Variants in ZBTB20 observed in about 807,000 individuals in gnomAD.
ZBTB20 encodes zinc finger and BTB domain containing 20, also known as zinc finger and BTB domain-containing protein 20.
ZBTB20 carries 9 observed loss-of-function variants against 56.9 expected under a neutral mutation model. The observed-to-expected ratio is 0.16, with a 90% CI of 0.10 to 0.28. The LOEUF is 0.28. ZBTB20 is among the 10% of genes least tolerant of loss of function. The pLI is 1.00. For synonymous variants in ZBTB20, 417 were observed against 420.7 expected (o/e 0.99, Z 0.11); for missense variants, 655 against 1,003.0 (o/e 0.65, Z 4.69).
intron 4 of ZBTB20, among the ~76,000 whole-genome samples, chr3:114,880,876 T>C (rs1256502867): frequency 6.6e-6 from 1 of 152,124 alleles, no homozygotes; most frequent in Non-Finnish European, 1.5e-5. Flanking sequence ...CACCAAAATA[T>C]TAAGAATAAC....
intron 6 of ZBTB20, among the ~76,000 whole-genome samples, chr3:114,638,794 C>G (rs2059408860): frequency 1.3e-5 from 2 of 151,868 alleles, no homozygotes; most frequent in African/African-American, 4.8e-5. Flanking sequence ...ACAATAAAAG[C>G]AAATTTTTAA....
chr3:114,963,404 C>A (rs1005815893), intron 3 of ZBTB20, among the ~76,000 whole-genome samples: 4 of 152,086 alleles, frequency 2.6e-5, no homozygotes, highest in African/African-American at 9.7e-5. Context: ...GTGCTTAAAT[C>A]TATAAAGCTG....
intron 3 of ZBTB20, among the ~76,000 whole-genome samples, chr3:114,902,777 A>C (rs979100173): frequency 4.6e-5 from 7 of 152,188 alleles, no homozygotes; most frequent in Admixed American, 4.6e-4. Flanking sequence ...AACAGGCTGC[A>C]GTTATTTATT....
At chr3:114,801,586 G>T (rs2071726613) in intron 4 of ZBTB20, among the ~76,000 whole-genome samples, 1 of 151,456 alleles carries the variant, frequency 6.6e-6, no homozygotes, top group Non-Finnish European at 1.5e-5. Context: ...AAAATCTATG[G>T]GTCTGAATAC....
chr3:114,385,535 G>C (rs1559718205), intron 8 of ZBTB20, among the ~76,000 whole-genome samples: 1 of 152,208 alleles, frequency 6.6e-6, no homozygotes, highest in Non-Finnish European at 1.5e-5. Flanking sequence ...CCTCTCATAG[G>C]GATTGTTAGT....
intron 5 of ZBTB20, among the ~76,000 whole-genome samples, chr3:114,793,054 T>G (rs1298856379): frequency 1.3e-5 from 2 of 151,768 alleles, no homozygotes; most frequent in Non-Finnish European, 2.9e-5. Context: ...TTTTTTTATA[T>G]TTTTTAGTAG....
chr3:114,918,853 C>T (rs2075845082), intron 3 of ZBTB20, among the ~76,000 whole-genome samples: 1 of 152,198 alleles, frequency 6.6e-6, no homozygotes, highest in African/African-American at 2.4e-5. Flanking sequence ...CAGAAGCCCT[C>T]CCTTGGCCAC....
rs1386595421 is a variant in ZBTB20, at chr3:115,098,410, G to A, written c.-702-26996C>T. On this transcript the variant is annotated intron_variant, in intron 1 of 11. Coordinates refer to ENST00000675478, the MANE Select transcript of ZBTB20 (RefSeq NM_001348800.3). ...TTTTGAAACAAATTTTTGGGTCACC[G>A]TCAGAAATGGCATAAAGTATATATA... Among the ~76,000 whole-genome samples the A allele has an allele frequency of 4.6e-5, 7 of 152,024 alleles. No homozygotes were observed. The East Asian group carries it at 5.8e-4, about 13-fold the overall frequency.
At chr3:114,548,242 C>T (rs1019221944) in intron 6 of ZBTB20, among the ~76,000 whole-genome samples, 9 of 152,196 alleles carry the variant, frequency 5.9e-5, no homozygotes, top group African/African-American at 2.2e-4. Flanking sequence ...GAAAGGAAAA[C>T]TCACACTTTT....
chr3:115,046,648 G>GAAAT (rs1479861591), intron 2 of ZBTB20, among the ~76,000 whole-genome samples: 12 of 152,228 alleles, frequency 7.9e-5, no homozygotes, highest in African/African-American at 2.6e-4. Flanking sequence ...GTATTATGAA[G>GAAAT]AAATAGTTTT....
At chr3:114,372,800 C>T (rs1003942365) in intron 10 of ZBTB20, among the ~76,000 whole-genome samples, 22 of 152,086 alleles carry the variant, frequency 1.4e-4, no homozygotes, top group African/African-American at 4.6e-4. Context: ...GCTGAGATTG[C>T]ACTGCTGTAC....
At chr3:114,919,198 T>TG (rs1430104760) in intron 3 of ZBTB20, among the ~76,000 whole-genome samples, 2 of 152,028 alleles carry the variant, frequency 1.3e-5, no homozygotes, top group African/African-American at 4.8e-5. Flanking sequence ...AGTGGGGGCC[T>TG]GGGGGAAAAG....
chr3:114,770,521 A>G (rs75993115), intron 5 of ZBTB20, among the ~76,000 whole-genome samples: 3 of 152,068 alleles, frequency 2.0e-5, no homozygotes, highest in Non-Finnish European at 2.9e-5. Flanking sequence ...GAAAAAAAAA[A>G]GAATCCACTT....
chr3:114,656,193 C>A (rs2060398212), intron 6 of ZBTB20, among the ~76,000 whole-genome samples: 1 of 152,126 alleles, frequency 6.6e-6, no homozygotes, highest in Admixed American at 6.5e-5. Flanking sequence ...TTGTTTCCAC[C>A]CTTAGGGCTG....
At chr3:114,693,968 T>C (rs1366457876) in intron 5 of ZBTB20, among the ~76,000 whole-genome samples, 2 of 152,118 alleles carry the variant, frequency 1.3e-5, no homozygotes, top group Non-Finnish European at 2.9e-5. Context: ...TACTGTAGTT[T>C]TGATCAAACA....
intron 7 of ZBTB20, among the ~76,000 whole-genome samples, chr3:114,479,101 G>C (rs377572631): frequency 1.2e-4 from 17 of 147,448 alleles, no homozygotes; most frequent in Middle Eastern, 3.5e-3. Context: ...TTTTCAGGAT[G>C]GGGGGAAGAA....
intron 1 of ZBTB20, among the ~76,000 whole-genome samples, chr3:115,124,961 T>C (rs2084284053): frequency 6.6e-6 from 1 of 151,840 alleles, no homozygotes; most frequent in Non-Finnish European, 1.5e-5. Context: ...AGTTTACCTA[T>C]AAACAAACCC....
chr3:114,769,507 C>A (rs1480151442), intron 5 of ZBTB20, among the ~76,000 whole-genome samples: 2 of 144,078 alleles, frequency 1.4e-5, no homozygotes, highest in Non-Finnish European at 3.0e-5. Context: ...TCTATTTGCA[C>A]CTGTTAAATA....
At chr3:115,058,522 A>G (rs2081897253) in intron 2 of ZBTB20, among the ~76,000 whole-genome samples, 1 of 152,140 alleles carries the variant, frequency 6.6e-6, no homozygotes, top group Non-Finnish European at 1.5e-5. Context: ...TGAGGTCAGG[A>G]GTTTGAGACC....
Sources: gnomAD v4.1 joint callset for allele counts (sites outside exome capture counted in the v4.1 genomes callset) on GRCh38, gnomAD v4.1.1 for gene constraint, MANE v1.5 for transcripts, NCBI Gene and HGNC (gene_info 2026-07-23, HGNC 2026-07-21) for gene names.